Variants in CNTNAP2 observed in about 807,000 individuals in gnomAD.
CNTNAP2 encodes contactin associated protein 2.
In CNTNAP2, 98 loss-of-function variants were observed where a neutral mutation model predicts 155.2. That is an observed-to-expected ratio of 0.63 (90% confidence interval 0.54 to 0.75). The LOEUF (loss-of-function observed/expected upper bound fraction) is 0.75. Ranked by LOEUF, CNTNAP2 falls within the 30% of genes least tolerant of loss-of-function variation. The pLI is 0.00. For synonymous variants in CNTNAP2, 651 were observed against 631.2 expected, an observed-to-expected ratio of 1.03 and a Z score of -0.47; for missense variants, 1,727 against 1,688.1, an observed-to-expected ratio of 1.02 and a Z score of -0.40.
At chr7:148,368,884 G>A (rs1798833675) in intron 21 of CNTNAP2, among the ~76,000 whole-genome samples, 1 of 152,192 alleles carries the variant, frequency 6.6e-6, no homozygotes, top group Non-Finnish European at 1.5e-5. Flanking sequence ...GATAACATCA[G>A]TTGCTAGGTC....
chr7:147,501,062 C>T (rs576963584), intron 11 of CNTNAP2, among the ~76,000 whole-genome samples: 3 of 151,956 alleles, frequency 2.0e-5, no homozygotes, highest in Non-Finnish European at 4.4e-5. Context: ...TCCCTGGATG[C>T]AAGGATGGTT....
intron 11 of CNTNAP2, among the ~76,000 whole-genome samples, chr7:147,560,168 CAAAAAAAAAAA>C (rs71183016): frequency 1.9e-5 from 1 of 52,828 alleles, no homozygotes; most frequent in Admixed American, 2.7e-4. Flanking sequence ...AACTCCGTCT[CAAAAAAAAAAA>C]AAAAAAAAAA....
At chr7:147,199,662 G>A (rs539186046) in intron 8 of CNTNAP2, among the ~76,000 whole-genome samples, 1 of 151,216 alleles carries the variant, frequency 6.6e-6, no homozygotes, top group African/African-American at 2.4e-5. Flanking sequence ...CTAGCTAAGT[G>A]GTTCCTTGGA....
intron 13 of CNTNAP2, among the ~76,000 whole-genome samples, chr7:147,894,965 CTT>C (rs1175962918): frequency 2.8e-5 from 1 of 36,180 alleles, no homozygotes; most frequent in East Asian, 7.5e-4. Context: ...TTCTTTCTTT[CTT>C]TTTTTTTTTT....
chr7:147,136,543 T>G (rs1315627365), intron 8 of CNTNAP2, among the ~76,000 whole-genome samples: 2 of 151,932 alleles, frequency 1.3e-5, no homozygotes, highest in African/African-American at 4.8e-5. Flanking sequence ...GAGTGGGAGT[T>G]TTCTTGGTTC....
chr7:146,628,048 A>T (rs573268443), intron 1 of CNTNAP2, among the ~76,000 whole-genome samples: 8 of 152,256 alleles, frequency 5.3e-5, no homozygotes, highest in African/African-American at 1.7e-4. Flanking sequence ...TTTTCCAAAG[A>T]TATATTTAAT....
chr7:147,567,226 C>T (rs1165664418), intron 12 of CNTNAP2, among the ~76,000 whole-genome samples: 10 of 152,212 alleles, frequency 6.6e-5, no homozygotes, highest in African/African-American at 2.2e-4. Flanking sequence ...AAATCTTCCC[C>T]AAAACGGCTG....
intron 15 of CNTNAP2, among the ~76,000 whole-genome samples, chr7:148,024,528 CA>C (rs936361629): frequency 6.6e-6 from 1 of 152,132 alleles, no homozygotes; most frequent in Non-Finnish European, 1.5e-5. Context: ...CTAGGAAACC[CA>C]GCTTTGTTCC....
chr7:147,801,311 T>TG (rs1417979030), intron 13 of CNTNAP2, among the ~76,000 whole-genome samples: 4 of 147,232 alleles, frequency 2.7e-5, no homozygotes, highest in East Asian at 3.9e-4. Flanking sequence ...TCTATGAAGT[T>TG]TTTTTTTTTT....
At chr7:146,363,245 G>A (rs1354908223) in intron 1 of CNTNAP2, among the ~76,000 whole-genome samples, 3 of 152,168 alleles carry the variant, frequency 2.0e-5, no homozygotes, top group African/African-American at 7.2e-5. Flanking sequence ...GTGGAGCTAG[G>A]ATGTTGCTGA....
chr7:146,538,030 T>C (rs938647150), intron 1 of CNTNAP2, among the ~76,000 whole-genome samples: 6 of 152,036 alleles, frequency 3.9e-5, no homozygotes, highest in South Asian at 2.1e-4. Flanking sequence ...TGAAAATAGA[T>C]GGTGAGTCAG....
At chr7:148,109,387 T>A (rs1347684673) in intron 15 of CNTNAP2, among the ~76,000 whole-genome samples, 2 of 148,246 alleles carry the variant, frequency 1.3e-5, no homozygotes, top group African/African-American at 4.9e-5. Flanking sequence ...TGTTTTGTTT[T>A]GTTTTGTTTT....
intron 15 of CNTNAP2, among the ~76,000 whole-genome samples, chr7:148,045,650 G>C (rs1275310609): frequency 2.6e-5 from 4 of 152,224 alleles, no homozygotes; most frequent in Non-Finnish European, 5.9e-5. Context: ...CTACGCCTTA[G>C]GCAATGAAAC....
At chr7:147,718,314 A>G (rs1796512603) in intron 13 of CNTNAP2, among the ~76,000 whole-genome samples, 1 of 152,118 alleles carries the variant, frequency 6.6e-6, no homozygotes, top group Non-Finnish European at 1.5e-5. Flanking sequence ...CTACACAGGC[A>G]ATTAATGTAA....
intron 11 of CNTNAP2, among the ~76,000 whole-genome samples, chr7:147,528,145 T>G (rs1799359908): frequency 6.6e-6 from 1 of 151,966 alleles, no homozygotes; most frequent in South Asian, 2.1e-4. Context: ...CCCAAGGAAG[T>G]CCATGAAGAG....
intron 10 of CNTNAP2, among the ~76,000 whole-genome samples, chr7:147,398,747 T>C (rs1796864828): frequency 6.9e-6 from 1 of 145,776 alleles, no homozygotes; most frequent in Non-Finnish European, 1.5e-5. Flanking sequence ...GCATACTAGA[T>C]GTCATGCTAT....
At chr7:148,017,717 T>G (rs931314599) in intron 15 of CNTNAP2, among the ~76,000 whole-genome samples, 1 of 152,208 alleles carries the variant, frequency 6.6e-6, no homozygotes, top group Admixed American at 6.5e-5. Context: ...GCTATGGAGA[T>G]TAACAAGAAA....
intron 11 of CNTNAP2, among the ~76,000 whole-genome samples, chr7:147,554,376 T>A (rs138840701): frequency 3.3e-5 from 5 of 151,090 alleles, no homozygotes; most frequent in African/African-American, 9.9e-5. Context: ...ATGGATTATT[T>A]TTTTTTTTCT....
At chr7:146,242,752 ATAT>A (rs547645952) in intron 1 of CNTNAP2, among the ~76,000 whole-genome samples, 1 of 152,158 alleles carries the variant, frequency 6.6e-6, no homozygotes, top group African/African-American at 2.4e-5. Context: ...CCATCCTAAA[ATAT>A]TATTTCATAA....
Sources: allele counts gnomAD v4.1 joint callset (sites outside exome capture counted in the v4.1 genomes callset), GRCh38; gene constraint gnomAD v4.1.1; transcripts MANE v1.5; gene names NCBI Gene and HGNC (gene_info 2026-07-23, HGNC 2026-07-21).